Variants in SFXN1 observed in about 807,000 individuals in gnomAD.
The protein encoded by SFXN1 is sideroflexin-1.
A neutral mutation model predicts 39.5 loss-of-function variants in SFXN1; 32 were observed. That is an observed-to-expected ratio of 0.81 (90% CI 0.61 to 1.09). The LOEUF is 1.09. Among genes scored for constraint, SFXN1 ranks in the 50% least tolerant of loss-of-function variants. The pLI, the probability that SFXN1 is intolerant of heterozygous loss-of-function variation, is 0.00. For missense variants in SFXN1, 402 were observed against 407.1 expected (o/e 0.99, Z 0.11); for synonymous variants, 136 against 146.5 (o/e 0.93, Z 0.52).
chr5:175,483,227 A>G (rs1759322524), intron 1 of SFXN1, among the ~76,000 whole-genome samples: 3 of 152,328 alleles, frequency 2.0e-5, no homozygotes, highest in African/African-American at 7.2e-5. Flanking sequence ...ATGCAGTATA[A>G]TGTCATAATT....
chr5:175,524,156 ATATATATATATATATCTC>A (rs1760987175), intron 10 of SFXN1: 2 of 115,950 alleles, frequency 1.7e-5, no homozygotes, highest in Admixed American at 1.9e-4. Flanking sequence ...ATATATATAT[ATATATATATATATATCTC>A]CAATAAGTTA....
At chr5:175,481,707 T>C (rs1459408627) in intron 1 of SFXN1, among the ~76,000 whole-genome samples, 1 of 152,228 alleles carries the variant, frequency 6.6e-6, no homozygotes, top group African/African-American at 2.4e-5. Context: ...TCTCCATGTC[T>C]TCCTGATGCT....
intron 8 of SFXN1, among the ~76,000 whole-genome samples, chr5:175,517,579 A>G (rs1256411315): frequency 2.0e-5 from 3 of 152,140 alleles, no homozygotes; most frequent in Non-Finnish European, 4.4e-5. Context: ...CCATTAAGGT[A>G]CCCATACATA....
intron 2 of SFXN1, among the ~76,000 whole-genome samples, chr5:175,493,258 T>TAAA (rs761919267): frequency 7.1e-6 from 1 of 140,906 alleles, no homozygotes; most frequent in Admixed American, 7.1e-5. Context: ...AAACTCCATC[T>TAAA]AAAAAAAAAA....
At chr5:175,524,026 C>T (rs969961464) in intron 10 of SFXN1, 5 of 148,212 alleles carry the variant, frequency 3.4e-5, no homozygotes, top group African/African-American at 1.2e-4. Context: ...ATCGCTCGAA[C>T]CCAGTAGGCA....
chr5:175,493,273 A>T (rs1759728045), intron 2 of SFXN1, among the ~76,000 whole-genome samples: 1 of 151,844 alleles, frequency 6.6e-6, no homozygotes, highest in Non-Finnish European at 1.5e-5. Context: ...AAAAAAAAAG[A>T]TGTAAAAACC....
rs763355311 is a variant in SFXN1 at position 175,506,900 on chromosome 5, G to A, written c.165-2132G>A. Among the ~76,000 whole-genome samples the A allele has an allele frequency of 1.9e-4, 29 of 152,040 alleles. 1 individual carries two copies. Among genetic ancestry groups the A allele is most frequent in the Non-Finnish European group, 3.7e-4 (25 of 68,004 alleles). On this transcript the variant is annotated intron_variant, in intron 2 of 10. Transcript: ENST00000321442. ...AGTCTGGTCTTGAACTCCTGACCTC[G>A]TGATCCACCCACCTTGGCCTCCCAA...
chr5:175,498,907 A>C (rs980995568), intron 2 of SFXN1, among the ~76,000 whole-genome samples: 1 of 152,130 alleles, frequency 6.6e-6, no homozygotes. Flanking sequence ...TCCCACAAAA[A>C]TCTCAAAGGC....
At chr5:175,511,992 CT>C in intron 5 of SFXN1, 118 bp from the exon 6 acceptor site, 1 of 903,856 alleles carries the variant, frequency 1.1e-6, no homozygotes, top group Non-Finnish European at 1.7e-6. Context: ...CATTCTTGGC[CT>C]GAGTTTCTAT....
At chr5:175,505,332 C>G in intron 2 of SFXN1, among the ~76,000 whole-genome samples, 1 of 151,468 alleles carries the variant, frequency 6.6e-6, no homozygotes, top group East Asian at 2.0e-4. Context: ...GTTAAGAGTT[C>G]AAGACCAGCC....
chr5:175,524,116 AAAAAAAAAAATATATATATATAT>A (rs1760966475), intron 10 of SFXN1: 1 of 67,754 alleles, frequency 1.5e-5, no homozygotes, highest in Non-Finnish European at 2.8e-5. Context: ...AAAAAAAAAA[AAAAAAAAAAATATATATATATAT>A]ATATATATAT....
At chr5:175,515,175 C>T (rs904375276) in intron 7 of SFXN1, among the ~76,000 whole-genome samples, 4 of 152,180 alleles carry the variant, frequency 2.6e-5, no homozygotes, top group Non-Finnish European at 5.9e-5. Context: ...CGCCACCACA[C>T]CCAGCTGATT....
chr5:175,481,013 A>G (rs1416044266), intron 1 of SFXN1, among the ~76,000 whole-genome samples: 1 of 152,230 alleles, frequency 6.6e-6, no homozygotes, highest in Non-Finnish European at 1.5e-5. Context: ...CAAAGTTACT[A>G]AGTTTTTCTT....
In SFXN1 at chr5:175,519,061, A is replaced by G. The variant is rs764854989; in HGVS notation, c.774+2398A>G. 2.9e-4 allele frequency among the ~76,000 whole-genome samples: 44 copies of G among 152,380 alleles called. No homozygotes were observed. In the Middle Eastern group the frequency reaches 0.01, roughly 35 times the overall value. ...CTTAAGCTGGGCAAAAGGTTTGAAC[A>G]GACACTCTACCAAGTACATACAGTT... On this transcript the variant is annotated intron_variant, in intron 8 of 10. Coordinates refer to ENST00000321442, the MANE Select transcript of SFXN1 (RefSeq NM_022754.7).
chr5:175,490,123 G>T (rs1046991795), intron 1 of SFXN1, among the ~76,000 whole-genome samples: 3 of 152,160 alleles, frequency 2.0e-5, no homozygotes, highest in Admixed American at 2.0e-4. Flanking sequence ...TGGAAATCCA[G>T]GCCAGCTTTC....
intron 1 of SFXN1, among the ~76,000 whole-genome samples, chr5:175,489,198 G>A (rs992885071): frequency 6.6e-6 from 1 of 152,166 alleles, no homozygotes; most frequent in African/African-American, 2.4e-5. Context: ...TCTACTTGAA[G>A]GTAGGAATTA....
chr5:175,524,952 A>G (rs1761014889), intron 10 of SFXN1, among the ~76,000 whole-genome samples: 1 of 152,256 alleles, frequency 6.6e-6, no homozygotes, highest in African/African-American at 2.4e-5. Flanking sequence ...AAAATTAGAA[A>G]GTCAGAATAG....
At chr5:175,512,336 A>G (rs772370819) in intron 6 of SFXN1, 140 bp downstream of exon 6, 10 of 772,726 alleles carry the variant, frequency 1.3e-5, no homozygotes, top group South Asian at 1.8e-5. Flanking sequence ...TTCTTTTGAA[A>G]TACTCTGGGG....
chr5:175,488,312 T>C (rs866460908), intron 1 of SFXN1, among the ~76,000 whole-genome samples: 1 of 151,794 alleles, frequency 6.6e-6, no homozygotes, highest in Non-Finnish European at 1.5e-5. Context: ...TTTCTTTTTT[T>C]TTTTTTTGAG....
Sources: allele counts gnomAD v4.1 joint callset (sites outside exome capture counted in the v4.1 genomes callset), GRCh38; gene constraint gnomAD v4.1.1; transcripts MANE v1.5; gene names NCBI Gene and HGNC (gene_info 2026-07-23, HGNC 2026-07-21).